The following STT3B variants were observed in gnomAD, a reference collection of about 807,000 sequenced individuals.
STT3B encodes STT3 oligosaccharyltransferase complex catalytic subunit B, also known as dolichyl-diphosphooligosaccharide--protein glycosyltransferase subunit STT3B.
Under a neutral mutation model 96.8 loss-of-function variants are expected in STT3B, and 29 were observed. The ratio of observed to expected loss-of-function variants is 0.30; its 90% CI spans 0.22 to 0.41. The LOEUF is 0.41. STT3B is among the 10% of genes least tolerant of loss of function. STT3B has a pLI of 1.00. For missense variants in STT3B, 640 were observed against 1,022.3 expected (o/e 0.63, Z 5.10); for synonymous variants, 367 against 360.0 (o/e 1.02, Z -0.22).
intron 1 of STT3B, among the ~76,000 whole-genome samples, chr3:31,557,383 CTG>C (rs1697746455): frequency 6.6e-6 from 1 of 152,074 alleles, no homozygotes; most frequent in Admixed American, 6.5e-5. Flanking sequence ...AATTTCAGGA[CTG>C]TTTTTTCTAT....
At chr3:31,601,723 A>G (rs750588891) in intron 5 of STT3B, among the ~76,000 whole-genome samples, 3 of 152,192 alleles carry the variant, frequency 2.0e-5, no homozygotes, top group Non-Finnish European at 4.4e-5. Context: ...GAATACACCA[A>G]AAACCATTAC....
At chr3:31,609,677 C>A (rs1398147263) in intron 5 of STT3B, among the ~76,000 whole-genome samples, 1 of 152,116 alleles carries the variant, frequency 6.6e-6, no homozygotes, top group African/African-American at 2.4e-5. Flanking sequence ...TCACTGCAAC[C>A]TCTGCCTCCT....
intron 10 of STT3B, among the ~76,000 whole-genome samples, chr3:31,623,061 G>C (rs1325272650): frequency 6.6e-6 from 1 of 152,074 alleles, no homozygotes; most frequent in African/African-American, 2.4e-5. Flanking sequence ...TTTTGTGTTT[G>C]TTGTTATTGT....
intron 9 of STT3B, among the ~76,000 whole-genome samples, chr3:31,620,893 ACT>A (rs1699413348): frequency 6.6e-6 from 1 of 151,444 alleles, no homozygotes; most frequent in Admixed American, 6.6e-5. Flanking sequence ...AGGATTGCAC[ACT>A]CATTGTTCTC....
Position 31,573,613 on chromosome 3 carries a change from A to G in STT3B, c.315-2783A>G, listed in dbSNP as rs1056767125. Among the ~76,000 whole-genome samples the G allele has an allele frequency of 2.6e-5, 4 of 152,208 alleles. 1 individual carries two copies. Among genetic ancestry groups the G allele is most frequent in the East Asian group, 1.9e-4 (1 of 5,184 alleles). On this transcript the variant is annotated intron_variant, in intron 1 of 15. Coordinates refer to ENST00000295770, the MANE Select transcript of STT3B (RefSeq NM_178862.3). ...AATACTGAAAGCAGATATAGTGCAT[A>G]TGTTTGTTTTGGGAGTGGATGGTAG...
chr3:31,618,834 G>C (rs181321347), intron 8 of STT3B, among the ~76,000 whole-genome samples: 2 of 151,676 alleles, frequency 1.3e-5, no homozygotes, highest in Admixed American at 6.6e-5. Flanking sequence ...ATTCTGATTA[G>C]GTTAAATTAC....
intron 3 of STT3B, among the ~76,000 whole-genome samples, chr3:31,583,602 T>A (rs1008573430): frequency 6.6e-6 from 1 of 152,224 alleles, no homozygotes; most frequent in Non-Finnish European, 1.5e-5. Context: ...TTCAGTCTCT[T>A]TGTCTTTGGA....
intron 13 of STT3B, 33 bp downstream of exon 13, chr3:31,626,160 G>A (rs759215377): frequency 6.4e-7 from 1 of 1,572,312 alleles, no homozygotes; most frequent in African/African-American, 1.4e-5. Flanking sequence ...GTATGTGAAA[G>A]ATAGCTCACT....
At chr3:31,566,060 G>C (rs1320424512) in intron 1 of STT3B, among the ~76,000 whole-genome samples, 1 of 152,068 alleles carries the variant, frequency 6.6e-6, no homozygotes, top group Non-Finnish European at 1.5e-5. Context: ...TTGTACAAAA[G>C]CCCCATATAT....
chr3:31,618,455 G>GTT (rs965355900), intron 8 of STT3B, among the ~76,000 whole-genome samples: 1 of 143,122 alleles, frequency 7.0e-6, no homozygotes, highest in Non-Finnish European at 1.5e-5. Flanking sequence ...ATCTGTTGTG[G>GTT]TTTTTTTTTT....
At chr3:31,602,775 A>C (rs1425600844) in intron 5 of STT3B, among the ~76,000 whole-genome samples, 1 of 149,770 alleles carries the variant, frequency 6.7e-6, no homozygotes, top group African/African-American at 2.5e-5. Flanking sequence ...TTAGGGATGT[A>C]TGTGTGTATA....
At chr3:31,538,611 G>T (rs982595137) in intron 1 of STT3B, among the ~76,000 whole-genome samples, 2 of 152,110 alleles carry the variant, frequency 1.3e-5, no homozygotes, top group Non-Finnish European at 2.9e-5. Flanking sequence ...TCATCCAGAG[G>T]TAATGGTTTA....
At chr3:31,536,537 TC>T (rs925589015) in intron 1 of STT3B, among the ~76,000 whole-genome samples, 3 of 152,226 alleles carry the variant, frequency 2.0e-5, no homozygotes, top group Admixed American at 2.0e-4. Context: ...TTACAGTAGT[TC>T]TTAAATTGTG....
intron 5 of STT3B, among the ~76,000 whole-genome samples, chr3:31,603,144 A>G (rs1326319381): frequency 2.0e-5 from 3 of 152,176 alleles, no homozygotes; most frequent in African/African-American, 7.2e-5. Context: ...ACTCATAATT[A>G]TATTAACTAA....
At position 31,624,983 on chromosome 3, in the gene STT3B, A is replaced by G. The variant is rs1461034406; in HGVS notation, c.1797A>G (p.Ala599=). The G allele has an allele frequency of 1.2e-6, 2 of 1,613,738 alleles. No individual in the cohort carries two copies. Among genetic ancestry groups the G allele is most frequent in the African/African-American group, 2.7e-5 (2 of 75,008 alleles). ...FWLRQNTDEH[A]RVMSWWDYGY... ...TAAGGCAAAATACAGATGAACATGCACGAGTAATGTCTTGGTGGGATTATG... is the reference window on the plus strand; with the variant it reads ...TAAGGCAAAATACAGATGAACATGCGCGAGTAATGTCTTGGTGGGATTATG... The change falls in exon 12 of 16, where the codon GCA becomes GCG. Residue 599 remains alanine (A), a synonymous_variant. Transcript: ENST00000295770.
chr3:31,617,728 G>A (rs1699338944), intron 7 of STT3B, among the ~76,000 whole-genome samples: 1 of 152,028 alleles, frequency 6.6e-6, no homozygotes, highest in Non-Finnish European at 1.5e-5. Flanking sequence ...TTCTCTGGAA[G>A]TGGGTTCTCC....
At chr3:31,583,690 A>C (rs1305079341) in intron 3 of STT3B, among the ~76,000 whole-genome samples, 1 of 151,916 alleles carries the variant, frequency 6.6e-6, no homozygotes, top group African/African-American at 2.4e-5. Context: ...GTTTTTGGAG[A>C]GTTTAATACA....
At chr3:31,594,985 C>T (rs1698754371) in intron 3 of STT3B, among the ~76,000 whole-genome samples, 1 of 152,130 alleles carries the variant, frequency 6.6e-6, no homozygotes, top group Admixed American at 6.5e-5. Flanking sequence ...TCCAGAAGTT[C>T]ACCAGACCCT....
intron 1 of STT3B, among the ~76,000 whole-genome samples, chr3:31,573,111 G>A (rs1698196126): frequency 6.6e-6 from 1 of 152,068 alleles, no homozygotes; most frequent in South Asian, 2.1e-4. Flanking sequence ...TCCTGTAACA[G>A]GAAGGAATGA....
Sources: allele counts gnomAD v4.1 joint callset (sites outside exome capture counted in the v4.1 genomes callset), GRCh38; gene constraint gnomAD v4.1.1; transcripts MANE v1.5; gene names NCBI Gene and HGNC (gene_info 2026-07-23, HGNC 2026-07-21).